Variants in ABR observed in about 807,000 individuals in gnomAD.
ABR encodes the protein ABR activator of RhoGEF and GTPase.
In ABR, 35 loss-of-function variants were observed where a neutral mutation model predicts 107.2. That is an observed-to-expected ratio of 0.33 (90% CI 0.25 to 0.43). ABR has a LOEUF of 0.43. Ranked by LOEUF, ABR falls within the 20% of genes least tolerant of loss-of-function variation. ABR has a pLI of 1.00. For missense variants in ABR, 815 were observed against 1,115.2 expected (o/e 0.73, Z 3.83); for synonymous variants, 498 against 462.0 (o/e 1.08, Z -1.00).
intron 1 of ABR, among the ~76,000 whole-genome samples, chr17:1,161,531 C>T (rs1429225736): frequency 6.6e-6 from 1 of 151,370 alleles, no homozygotes. Context: ...CAGGTGTGAG[C>T]CACCGTGCCC....
At chr17:1,091,341 GAGCACCCTCCGGGAGAGA>G (rs1276166943) in intron 4 of ABR, among the ~76,000 whole-genome samples, 1 of 151,944 alleles carries the variant, frequency 6.6e-6, no homozygotes, top group Admixed American at 6.5e-5. Context: ...GAGGGAGAAG[GAGCACCCTCCGGGAGAGA>G]GATGGTGCTC....
intron 16 of ABR, among the ~76,000 whole-genome samples, chr17:1,029,749 C>T (rs1054329744): frequency 6.6e-6 from 1 of 152,226 alleles, no homozygotes; most frequent in Admixed American, 6.5e-5. Context: ...TGCTCACCCG[C>T]TGGCCTGCGC....
chr17:1,053,480 C>T (rs1025593438), intron 14 of ABR, among the ~76,000 whole-genome samples: 18 of 151,918 alleles, frequency 1.2e-4, no homozygotes, highest in African/African-American at 4.1e-4. Flanking sequence ...GGAGTCAGAC[C>T]ATCTGGGTCC....
intron 22 of ABR, 135 bp from the exon 23 acceptor site, chr17:1,006,304 T>G (rs922193078): frequency 8.6e-6 from 7 of 809,880 alleles, no homozygotes; most frequent in East Asian, 5.3e-5. Context: ...CCAGGTGTGT[T>G]TGCCTTTCTG....
chr17:1,178,919 T>A (rs938942085), intron 1 of ABR, among the ~76,000 whole-genome samples: 1 of 151,560 alleles, frequency 6.6e-6, no homozygotes, highest in East Asian at 2.0e-4. Flanking sequence ...CCGTGATCAG[T>A]TACGCATCCC....
At chr17:1,226,908 A>AC (rs1348183077) in intron 1 of ABR, among the ~76,000 whole-genome samples, 1 of 82,354 alleles carries the variant, frequency 1.2e-5, no homozygotes, top group Non-Finnish European at 2.3e-5. Context: ...GTGCAAGTCC[A>AC]CCCCCCACTC....
At chr17:1,103,788 C>T (rs894173171) in intron 2 of ABR, among the ~76,000 whole-genome samples, 6 of 152,134 alleles carry the variant, frequency 3.9e-5, no homozygotes, top group South Asian at 2.1e-4. Flanking sequence ...CGTTGGAGAG[C>T]GTACGGATGG....
At chr17:1,175,133 C>T (rs985908842) in intron 1 of ABR, among the ~76,000 whole-genome samples, 4 of 152,198 alleles carry the variant, frequency 2.6e-5, no homozygotes, top group Non-Finnish European at 4.4e-5. Context: ...AAAACATGGC[C>T]GGGCGCAGGG....
chr17:1,134,740 G>A (rs543026554), intron 1 of ABR, among the ~76,000 whole-genome samples: 20 of 152,336 alleles, frequency 1.3e-4, no homozygotes, highest in East Asian at 3.9e-4. Context: ...TTGGTGCCAC[G>A]CTAAGGAAGA....
chr17:1,203,787 G>T (rs975237632), intron 1 of ABR, among the ~76,000 whole-genome samples: 1 of 152,164 alleles, frequency 6.6e-6, no homozygotes, highest in African/African-American at 2.4e-5. Context: ...GGGCGAAGGG[G>T]GCTCGGGCGC....
chr17:1,123,214 C>T (rs907110994), intron 2 of ABR, among the ~76,000 whole-genome samples: 11 of 152,126 alleles, frequency 7.2e-5, no homozygotes, highest in African/African-American at 2.4e-4. Flanking sequence ...CGGATGGGAC[C>T]TTTGCCCGGA....
At chr17:1,209,119 T>C (rs1394037987) in intron 1 of ABR, among the ~76,000 whole-genome samples, 37 of 152,164 alleles carry the variant, frequency 2.4e-4, no homozygotes, top group Non-Finnish European at 7.3e-5. Flanking sequence ...CCTGAATCCC[T>C]TTCTTCCGGA....
At chr17:1,133,514 T>C (rs1396326565) in intron 1 of ABR, among the ~76,000 whole-genome samples, 1 of 151,542 alleles carries the variant, frequency 6.6e-6, no homozygotes, top group Admixed American at 6.6e-5. Flanking sequence ...ATATGGATGA[T>C]GAATAGCATC....
In ABR at chr17:1,125,267, G is replaced by A; in HGVS notation, c.162C>T (p.Pro54=). ...GGGCGCTGAGCTGCGGGGACATGGT[G>A]GGCGACTCATCGATGTACGGCATGG... is the stretch of plus-strand genomic sequence containing the variant. ...SETMPYIDES[P]TMSPQLSARS... is the part of the protein sequence containing the mutation. Residue 54 remains proline, a synonymous_variant, in exon 2 of 23, where the codon CCC becomes CCT. Coordinates refer to ENST00000302538, the MANE Select transcript of ABR (RefSeq NM_021962.5). 3 of 1,613,582 alleles carry A rather than the reference G, an allele frequency of 1.9e-6. No homozygotes were observed. Among genetic ancestry groups the A allele is most frequent in the East Asian group, 2.2e-5 (1 of 44,854 alleles).
upstream of ABR, among the ~76,000 whole-genome samples, chr17:1,184,008 C>T (rs935346950): frequency 2.6e-5 from 4 of 151,584 alleles, no homozygotes; most frequent in South Asian, 2.1e-4. Flanking sequence ...TCTGGGAGTT[C>T]GAGACCATCC....
chr17:1,043,286 G>A (rs2030970109), intron 16 of ABR, among the ~76,000 whole-genome samples: 1 of 152,100 alleles, frequency 6.6e-6, no homozygotes, highest in African/African-American at 2.4e-5. Flanking sequence ...TCCAGCCTCA[G>A]TGTCCCGAAT....
At position 1,010,618 on chromosome 17, in the gene ABR, G is replaced by C. The variant is rs1198851528; in HGVS notation, c.2236+111C>G. 1 of 1,463,116 alleles carries C rather than the reference G, an allele frequency of 6.8e-7. No individual in the cohort carries two copies. The highest frequency in any genetic ancestry group is 1.9e-5 in the Admixed American group (1 of 53,192). 90.6% of individuals were successfully genotyped at this position (1,463,116 alleles called of 1,614,324 possible). On this transcript the variant is annotated intron_variant, in intron 20 of 22. Transcript: ENST00000302538. This position sits in a 1 kb window ranked among gnomAD's most constrained non-coding sequence, Gnocchi z 4.1. ...GCCACAGGCCCCAGTGCACTGGGAA[G>C]GTCAGCCAGCAAAGGAAGCCACAGA...
At chr17:1,189,257 C>T (rs527397304), upstream of ABR, among the ~76,000 whole-genome samples, 1 of 152,192 alleles carries the variant, frequency 6.6e-6, no homozygotes, top group African/African-American at 2.4e-5. Context: ...AAGAGTTTCC[C>T]AGTGTCTAAC....
rs953183344 is a variant in ABR, at chr17:1,056,993, C to T, written c.1486+5G>A. 1 of 1,603,008 alleles carries T rather than the reference C, an allele frequency of 6.2e-7. No homozygotes were observed. The highest frequency in any genetic ancestry group is 1.3e-5 in the African/African-American group (1 of 74,740). ...GGTTGGGCCACCTCTGGTTCCCGAGCTTACCGTCTTTATTGCTGGTGACAG... is the reference window on the plus strand; with the variant it reads ...GGTTGGGCCACCTCTGGTTCCCGAGTTTACCGTCTTTATTGCTGGTGACAG... On this transcript the variant is annotated splice_donor_5th_base_variant and intron_variant, in intron 13 of 22. Coordinates refer to ENST00000302538, the MANE Select transcript of ABR (RefSeq NM_021962.5).
Sources: allele counts gnomAD v4.1 joint callset (sites outside exome capture counted in the v4.1 genomes callset), GRCh38; gene constraint gnomAD v4.1.1; non-coding constraint Gnocchi (gnomAD v3.1); transcripts MANE v1.5; gene names NCBI Gene and HGNC (gene_info 2026-07-23, HGNC 2026-07-21).